Variants in UPF1 observed in about 807,000 individuals in gnomAD.
UPF1 encodes the protein regulator of nonsense transcripts 1.
UPF1 carries 9 observed loss-of-function variants against 129.2 expected under a neutral mutation model. The observed-to-expected ratio is 0.07, with a 90% CI of 0.04 to 0.12. The LOEUF (loss-of-function observed/expected upper bound fraction) is 0.12. Among genes scored for constraint, UPF1 ranks in the 10% least tolerant of loss-of-function variants. The pLI, the probability that UPF1 is intolerant of heterozygous loss-of-function variation, is 1.00. For synonymous variants in UPF1, 649 were observed against 644.9 expected, an observed-to-expected ratio of 1.01 and a Z score of -0.10; for missense variants, 788 against 1,525.3, an observed-to-expected ratio of 0.52 and a Z score of 8.05.
chr19:18,861,203 C>T (rs2055775290), intron 17 of UPF1, among the ~76,000 whole-genome samples: 1 of 152,234 alleles, frequency 6.6e-6, no homozygotes, highest in African/African-American at 2.4e-5. Flanking sequence ...AAATACATCA[C>T]AGGGATCAGA....
rs146801532 is a variant in UPF1, at chr19:18,850,101, C to G, written c.488C>G (p.Ala163Gly). ...CACATTGTAAATCACCTTGTGAGGG[C>G]AAAATGCAAAGAGGTGACCCTGCAC... ...GSHIVNHLVR[A>G]KCKEVTLHKD... The change falls in exon 4 of 24, where the codon GCA (alanine) becomes GGA (glycine). Residue 163 changes from alanine (A) to glycine (G), a missense_variant. Ala to Gly is a moderately conservative substitution (Grantham distance 60, BLOSUM62 0). Around this residue, in one of 6 missense-constraint regions of UPF1, gnomAD observed 227 missense variants for 517.9 expected, o/e 0.44. Coordinates refer to ENST00000262803, the MANE Select transcript of UPF1 (RefSeq NM_002911.4). The surrounding 1 kb of genome is among the most constrained non-coding windows in gnomAD (Gnocchi z 7.1). The G allele has an allele frequency of 5.6e-6, 9 of 1,614,064 alleles. No individual in the cohort carries two copies. The highest frequency in any genetic ancestry group is 3.3e-5 in the Admixed American group (2 of 59,996).
chr19:18,852,827 T>C (rs1193141715), intron 6 of UPF1, among the ~76,000 whole-genome samples, 160 bp from the exon 7 acceptor site: 1 of 152,172 alleles, frequency 6.6e-6, no homozygotes, highest in Non-Finnish European at 1.5e-5. Context: ...CTTTCAGATG[T>C]GCCCTTGGTG....
chr19:18,838,939 A>G (rs894565037), intron 1 of UPF1, among the ~76,000 whole-genome samples: 1 of 152,010 alleles, frequency 6.6e-6, no homozygotes, highest in African/African-American at 2.4e-5. Flanking sequence ...ATTCAGGATG[A>G]CGGGGTGGGG....
chr19:18,861,464 C>T (rs2055778350), intron 17 of UPF1, among the ~76,000 whole-genome samples: 1 of 152,232 alleles, frequency 6.6e-6, no homozygotes, highest in African/African-American at 2.4e-5. Flanking sequence ...GGTTTCTGTT[C>T]TGTTTTTGAG....
chr19:18,854,380 G>C (rs1041754714), intron 8 of UPF1, among the ~76,000 whole-genome samples: 1 of 152,240 alleles, frequency 6.6e-6, no homozygotes, highest in African/African-American at 2.4e-5. Flanking sequence ...CTGGCTGGGG[G>C]TGGGACACCG....
chr19:18,834,340 G>A (rs73526906), intron 1 of UPF1, among the ~76,000 whole-genome samples: 4 of 152,182 alleles, frequency 2.6e-5, no homozygotes, highest in African/African-American at 9.7e-5. Flanking sequence ...CCTTTTAACT[G>A]TAGCGAGCAT....
Position 18,850,944 on chromosome 19 carries a change from G to T in UPF1, c.810+76G>T. 1.4e-6 allele frequency: 2 copies of T among 1,439,132 alleles called. No individual in the cohort carries two copies. Among genetic ancestry groups the T allele is most frequent in the Non-Finnish European group, 1.8e-6 (2 of 1,090,272 alleles). The allele number at this position is 1,439,132 out of a possible 1,614,324, so 89.1% of individuals were successfully genotyped here. A position where few individuals can be genotyped will look rare whatever the true frequency, so the allele number is the denominator to read the frequency against. ...GGGGAGGGGAGTGTCTTCAGAGACG[G>T]CTTGACCCAGTGAGACCGCTGGAGA... On this transcript the variant is annotated intron_variant, in intron 5 of 23. Transcript: ENST00000262803. The surrounding 1 kb of genome is among the most constrained non-coding windows in gnomAD (Gnocchi z 7.1).
At chr19:18,846,242 G>A (rs2055597202) in intron 2 of UPF1, 123 bp downstream of exon 2, 5 of 1,400,772 alleles carry the variant, frequency 3.6e-6, no homozygotes, top group Non-Finnish European at 4.8e-6. Flanking sequence ...GGGTGGCGGT[G>A]TCCTCGGGAG....
chr19:18,857,207 C>G, intron 14 of UPF1, 113 bp from the exon 15 acceptor site: 1 of 1,466,704 alleles, frequency 6.8e-7, no homozygotes, highest in Non-Finnish European at 9.2e-7. Flanking sequence ...GAGCAATGCC[C>G]CTGTGGCCAG....
At position 18,865,757 on chromosome 19, in the gene UPF1, C is replaced by T. The variant is rs1393376977; in HGVS notation, c.3216C>T (p.Leu1072=). The T allele has an allele frequency of 1.9e-6, 3 of 1,613,102 alleles. No individual in the cohort carries two copies. The highest frequency in any genetic ancestry group is 2.5e-6 in the Non-Finnish European group (3 of 1,179,962). Reference sequence around the variant, plus strand: ...CTTCCCAGATGAGCCAGCCCGGCCTCTCCCAGCCGGAGCTGTCCCAGGTGA... The same window carrying T: ...CTTCCCAGATGAGCCAGCCCGGCCTTTCCCAGCCGGAGCTGTCCCAGGTGA... ...SQPSQMSQPG[L]SQPELSQDSY... The change falls in exon 22 of 24, where the codon CTC becomes CTT. Residue 1072 remains leucine (L), a synonymous_variant. Transcript: ENST00000262803. This position sits in a 1 kb window ranked among gnomAD's most constrained non-coding sequence, Gnocchi z 6.1.
chr19:18,831,960 G>T lies in UPF1; in HGVS notation c.-250G>T, dbSNP rs2055428626. 4 of 247,196 alleles carry T rather than the reference G, an allele frequency of 1.6e-5. No homozygotes were observed. In the East Asian group the frequency reaches 3.0e-4, roughly 19 times the overall value. 15.3% of individuals were successfully genotyped at this position (247,196 alleles called of 1,614,324 possible). ...CACGGCGACGGCGGCGGTGGCGGCA[G>T]TTCCTGCTCTAGGCTGCGAGCGGCT... is the stretch of plus-strand genomic sequence containing the variant. On this transcript the variant is annotated 5_prime_UTR_variant, in exon 1 of 24. Coordinates refer to ENST00000262803, the MANE Select transcript of UPF1 (RefSeq NM_002911.4).
intron 1 of UPF1, among the ~76,000 whole-genome samples, chr19:18,834,613 T>C (rs2055464090): frequency 6.6e-6 from 1 of 152,174 alleles, no homozygotes; most frequent in South Asian, 2.1e-4. Context: ...CACCCACCTG[T>C]TACCTGTAAT....
intron 1 of UPF1, among the ~76,000 whole-genome samples, chr19:18,834,444 A>G (rs1417536114): frequency 2.0e-5 from 3 of 152,152 alleles, no homozygotes; most frequent in African/African-American, 4.8e-5. Flanking sequence ...CTTTCAGTTG[A>G]AACAATTGAT....
rs1225066117 is a variant in UPF1, at chr19:18,865,186, G to A, written c.2858-103G>A. 3.6e-6 allele frequency: 5 copies of A among 1,387,912 alleles called. No individual in the cohort carries two copies. The African/African-American group carries it at 7.1e-5, about 20-fold the overall frequency. The allele number at this position is 1,387,912 out of a possible 1,614,324, so 86.0% of individuals were successfully genotyped here. Reference sequence around the variant, plus strand: ...GCATCTTCAGCCTGGGCAGAGCCAGGACAGATGTGCAGCTCCGGCTGACTG... The same window carrying A: ...GCATCTTCAGCCTGGGCAGAGCCAGAACAGATGTGCAGCTCCGGCTGACTG... On this transcript the variant is annotated intron_variant, in intron 20 of 23. Transcript: ENST00000262803. The surrounding 1 kb of genome is among the most constrained non-coding windows in gnomAD (Gnocchi z 6.1).
chr19:18,848,035 G>T, intron 3 of UPF1: 1 of 499,696 alleles, frequency 2.0e-6, no homozygotes, highest in Non-Finnish European at 3.5e-6. Context: ...ATTCTCTGTG[G>T]CTCTTTTTAT....
rs1432399984 is a variant in UPF1 at position 18,853,030 on chromosome 19, A to G, written c.1016A>G (p.Lys339Arg). Residue 339 changes from lysine (K) to arginine (R), a missense_variant, in exon 7 of 24, where the codon AAG (lysine) becomes AGG (arginine). Lys to Arg is a conservative substitution (Grantham distance 26). Coordinates refer to ENST00000262803, the MANE Select transcript of UPF1 (RefSeq NM_002911.4). This position sits in a 1 kb window ranked among gnomAD's most constrained non-coding sequence, Gnocchi z 4.4. ...GTCAGGTGGGACCTGGGCCTTAACA[A>G]GAAGAGAATCGCCTACTTCACTTTG... ...ITVRWDLGLN[K>R]KRIAYFTLPK... 1 of 1,614,178 alleles carries G rather than the reference A, an allele frequency of 6.2e-7. No homozygotes were observed. The highest frequency in any genetic ancestry group is 1.7e-5 in the Admixed American group (1 of 60,030).
At chr19:18,862,746 C>T (rs922962875) in intron 18 of UPF1, among the ~76,000 whole-genome samples, 2 of 152,064 alleles carry the variant, frequency 1.3e-5, no homozygotes, top group South Asian at 2.1e-4. Flanking sequence ...ACAGGAGAAT[C>T]GCTTGTACCT....
intron 1 of UPF1, among the ~76,000 whole-genome samples, chr19:18,838,621 C>A (rs2055508089): frequency 6.6e-6 from 1 of 152,146 alleles, no homozygotes; most frequent in African/African-American, 2.4e-5. Flanking sequence ...GCACTCCAGC[C>A]TGGGCAACAA....
intron 1 of UPF1, among the ~76,000 whole-genome samples, chr19:18,841,941 T>C (rs1302791734): frequency 1.3e-5 from 2 of 152,028 alleles, no homozygotes; most frequent in Admixed American, 6.6e-5. Flanking sequence ...TATTGAAAAA[T>C]TAAAAAACTT....
Sources: gnomAD v4.1 joint callset for allele counts (sites outside exome capture counted in the v4.1 genomes callset) on GRCh38, gnomAD v4.1.1 for gene constraint, gnomAD v4.1.1 regional missense constraint, Gnocchi (gnomAD v3.1) non-coding constraint, MANE v1.5 for transcripts, NCBI Gene and HGNC (gene_info 2026-07-23, HGNC 2026-07-21) for gene names.